AAMDC: variants seen among roughly 807,000 people sequenced by gnomAD.
The protein encoded by AAMDC is adipogenesis associated Mth938 domain containing.
AAMDC carries 16 observed loss-of-function variants against 15.5 expected under a neutral mutation model. The ratio of observed to expected loss-of-function variants is 1.03; its 90% confidence interval spans 0.70 to 1.57. The LOEUF (loss-of-function observed/expected upper bound fraction) is 1.57. Ranked by LOEUF, AAMDC falls within the 40% of genes most tolerant of loss-of-function variation. The probability of loss-of-function intolerance (pLI) is 0.00; values close to 1 mark genes in which losing one functional copy is unlikely to be tolerated. For missense variants in AAMDC, 141 were observed against 144.9 expected, an observed-to-expected ratio of 0.97 and a Z score of 0.14; for synonymous variants, 51 against 51.6, an observed-to-expected ratio of 0.99 and a Z score of 0.05.
chr11:77,869,312 C>CTTTTTTTTTTTTTTTTT (rs1209578429), intron 2 of AAMDC: 1 of 126,850 alleles, frequency 7.9e-6, no homozygotes, highest in Admixed American at 8.8e-5. Flanking sequence ...ATCTCTTTTT[C>CTTTTTTTTTTTTTTTTT]TTTTTTTTTT....
At chr11:77,905,051 T>C (rs1952902976), downstream of AAMDC, among the ~76,000 whole-genome samples, 1 of 152,018 alleles carries the variant, frequency 6.6e-6, no homozygotes, top group African/African-American at 2.4e-5. Context: ...TCTATGAGAG[T>C]GTTTCCAGAA....
At position 77,868,507 on chromosome 11, in the gene AAMDC, C is replaced by T. The variant is rs150928743; in HGVS notation, c.133-1215C>T. Among the ~76,000 whole-genome samples the T allele has an allele frequency of 6.6e-3, 998 of 151,574 alleles. 16 individuals are homozygous for T. The highest frequency in any genetic ancestry group is 0.023 in the African/African-American group (957 of 41,254). On this transcript the variant is annotated intron_variant, in intron 2 of 3. Transcript: ENST00000393427. The stretch of plus-strand genomic sequence containing the variant: ...CCGAATAGCTGGGACTACAGGCACG[C>T]GCCACCACACCCAGCTAATTTTTGT...
chr11:77,869,811 C>A lies in AAMDC; in HGVS notation c.222C>A (p.Ala74=), dbSNP rs1019525775. The A allele has an allele frequency of 6.2e-7, 1 of 1,613,644 alleles. No homozygotes were observed. Among genetic ancestry groups the A allele is most frequent in the Non-Finnish European group, 8.5e-7 (1 of 1,179,710 alleles). Residue 74 remains alanine (A), a synonymous_variant, in exon 3 of 4, where the codon GCC becomes GCA. Coordinates refer to ENST00000393427, the MANE Select transcript of AAMDC (RefSeq NM_024684.4). The stretch of plus-strand genomic sequence containing the variant: ...TGATTGGCCGAGGGATGAGTGAGGC[C>A]TTGAAGGTAGGTGTTGGTATGCACA... ...TLVIGRGMSE[A]LKVPSSTVEY...
chr11:77,822,179 C>G (rs370803483), intron 1 of AAMDC, among the ~76,000 whole-genome samples: 43 of 152,052 alleles, frequency 2.8e-4, no homozygotes, highest in African/African-American at 1.0e-3. Context: ...GTGGCTCATG[C>G]CTGTAATCCC....
intron 5 of AAMDC, among the ~76,000 whole-genome samples, chr11:77,883,091 A>AATT (rs917045649): frequency 5.9e-5 from 9 of 151,598 alleles, no homozygotes; most frequent in African/African-American, 2.2e-4. Context: ...TAATAATAAT[A>AATT]ATAATAATAG....
intron 2 of AAMDC, among the ~76,000 whole-genome samples, chr11:77,859,731 C>T (rs1950795025): frequency 6.6e-6 from 1 of 152,212 alleles, no homozygotes; most frequent in Non-Finnish European, 1.5e-5. Flanking sequence ...AAAAGGTCCC[C>T]TCAAGTGGCA....
chr11:77,855,765 G>A (rs369273795), intron 2 of AAMDC, among the ~76,000 whole-genome samples: 18 of 134,650 alleles, frequency 1.3e-4, no homozygotes, highest in African/African-American at 4.8e-4. Context: ...TAGGCTGCTA[G>A]AGGCAGCCAG....
intron 2 of AAMDC, chr11:77,850,555 A>G (rs1950327797): frequency 6.6e-6 from 1 of 152,196 alleles, no homozygotes; most frequent in Non-Finnish European, 1.5e-5. Flanking sequence ...GTATAAAAAT[A>G]TAAGTATAAA....
chr11:77,852,052 AT>A (rs1333109168), intron 2 of AAMDC, among the ~76,000 whole-genome samples: 1 of 151,702 alleles, frequency 6.6e-6, no homozygotes, highest in Non-Finnish European at 1.5e-5. Flanking sequence ...CCTTCTCATA[AT>A]TATTTTTACT....
At chr11:77,876,958 C>A (rs887885762), downstream of AAMDC, 6 of 703,200 alleles carry the variant, frequency 8.5e-6, no homozygotes, top group Non-Finnish European at 1.6e-5. Context: ...AGGCTCCAAC[C>A]CAGCAGCTGC....
chr11:77,885,331 C>G (rs1228310785), intron 5 of AAMDC, among the ~76,000 whole-genome samples: 1 of 152,020 alleles, frequency 6.6e-6, no homozygotes, highest in Non-Finnish European at 1.5e-5. Flanking sequence ...CCTACTTCAG[C>G]CTCCCAAAGT....
downstream of AAMDC, chr11:77,876,983 G>T: frequency 1.4e-6 from 1 of 703,350 alleles, no homozygotes; most frequent in South Asian, 1.5e-5. Context: ...AGGTGTTCAT[G>T]TCAGGGCTGT....
intron 1 of AAMDC, among the ~76,000 whole-genome samples, chr11:77,828,668 T>C (rs1192198100): frequency 1.5e-5 from 2 of 136,226 alleles, no homozygotes; most frequent in South Asian, 4.5e-4. Flanking sequence ...AGACTCCATC[T>C]CGAAAAAAAA....
chr11:77,857,237 A>G (rs940223631), intron 2 of AAMDC, among the ~76,000 whole-genome samples: 5 of 152,216 alleles, frequency 3.3e-5, no homozygotes, highest in African/African-American at 1.2e-4. Context: ...AGAGGAAGGA[A>G]TACCTAAGAC....
At chr11:77,868,009 A>G (rs1293853953) in intron 2 of AAMDC, among the ~76,000 whole-genome samples, 2 of 151,186 alleles carry the variant, frequency 1.3e-5, no homozygotes, top group South Asian at 2.1e-4. Flanking sequence ...TCTACAAACA[A>G]GTTGTACTGA....
chr11:77,831,862 ATT>A (rs767406733), intron 1 of AAMDC: 884 of 80,786 alleles, frequency 0.011, 16 homozygotes, highest in African/African-American at 0.044. Flanking sequence ...TGCCTGGCTA[ATT>A]TTTTTTTTTT....
chr11:77,830,458 T>C (rs1949368795), intron 1 of AAMDC, among the ~76,000 whole-genome samples: 1 of 151,926 alleles, frequency 6.6e-6, no homozygotes, highest in African/African-American at 2.4e-5. Flanking sequence ...CTGCCGTGAA[T>C]CAAACTGCTG....
intron 5 of AAMDC, among the ~76,000 whole-genome samples, chr11:77,893,598 A>G (rs1483147648): frequency 6.6e-6 from 1 of 152,096 alleles, no homozygotes; most frequent in Non-Finnish European, 1.5e-5. Context: ...GTCTCAAAAA[A>G]TAATAATGAG....
At chr11:77,833,471 T>C (rs1949546692) in intron 1 of AAMDC, among the ~76,000 whole-genome samples, 1 of 152,102 alleles carries the variant, frequency 6.6e-6, no homozygotes, top group Admixed American at 6.6e-5. Flanking sequence ...CTGCTGCTGA[T>C]GTGTCAGGAG....
Sources: allele counts gnomAD v4.1 joint callset (sites outside exome capture counted in the v4.1 genomes callset), GRCh38; gene constraint gnomAD v4.1.1; transcripts MANE v1.5; gene names NCBI Gene and HGNC (gene_info 2026-07-23, HGNC 2026-07-21).